RASGEF1B: variants seen among roughly 807,000 people sequenced by gnomAD.
RASGEF1B encodes ras-GEF domain-containing family member 1B.
RASGEF1B carries 30 observed loss-of-function variants against 65.7 expected under a neutral mutation model. The ratio of observed to expected loss-of-function variants is 0.46; its 90% CI spans 0.34 to 0.62. The LOEUF (loss-of-function observed/expected upper bound fraction) is 0.62. Among genes scored for constraint, RASGEF1B ranks in the 20% least tolerant of loss-of-function variants. The pLI is 0.01. For missense variants in RASGEF1B, 495 were observed against 580.1 expected (o/e 0.85, Z 1.51); for synonymous variants, 175 against 194.8 (o/e 0.90, Z 0.85).
chr4:81,463,297 A>C (rs770430303), intron 1 of RASGEF1B, among the ~76,000 whole-genome samples: 2 of 152,236 alleles, frequency 1.3e-5, no homozygotes, highest in Non-Finnish European at 2.9e-5. Context: ...TAGAGATTCC[A>C]GAGATTCCAA....
chr4:81,466,695 G>C (rs1400118744), intron 1 of RASGEF1B, among the ~76,000 whole-genome samples: 1 of 149,202 alleles, frequency 6.7e-6, no homozygotes, highest in African/African-American at 2.5e-5. Context: ...GAAGACAGAG[G>C]TTGCAGTGAG....
rs1276909205 is a variant in RASGEF1B, at chr4:81,448,189, G to C, written c.534C>G (p.Ser178Arg). ...SQYEEVLAKISSTSTDRLTVL... is the reference protein window; with the variant it reads ...SQYEEVLAKIRSTSTDRLTVL... ...CTGTGAGCCGATCTGTGGATGTGGA[G>C]CTGATTTTTGCCAGGACTTCTTCGT... The change falls in exon 5 of 14, where the codon AGC (serine) becomes AGG (arginine). Residue 178 changes from serine (S) to arginine (R), a missense_variant. Coordinates refer to ENST00000264400, the MANE Select transcript of RASGEF1B (RefSeq NM_152545.3). The C allele has an allele frequency of 2.5e-6, 4 of 1,614,098 alleles. No homozygotes were observed. Among genetic ancestry groups the C allele is most frequent in the South Asian group, 2.2e-5 (2 of 91,072 alleles).
intron 10 of RASGEF1B, among the ~76,000 whole-genome samples, chr4:81,437,640 A>C (rs939344828): frequency 7.2e-5 from 11 of 152,186 alleles, no homozygotes; most frequent in African/African-American, 2.7e-4. Context: ...GGCAGAGGCT[A>C]TTACCTTACA....
chr4:81,435,681 T>C (rs998730248), intron 10 of RASGEF1B, among the ~76,000 whole-genome samples: 10 of 149,850 alleles, frequency 6.7e-5, no homozygotes, highest in African/African-American at 9.8e-5. Flanking sequence ...TTCACCGTGT[T>C]AGCCAGGATG....
intron 2 of RASGEF1B, among the ~76,000 whole-genome samples, chr4:81,458,658 A>T (rs1478037313): frequency 6.6e-6 from 1 of 152,202 alleles, no homozygotes; most frequent in Admixed American, 6.5e-5. Flanking sequence ...GGAAGGGGGA[A>T]AAAGTCACTT....
At chr4:81,469,822 T>A (rs1031923629) in intron 1 of RASGEF1B, among the ~76,000 whole-genome samples, 2 of 152,182 alleles carry the variant, frequency 1.3e-5, no homozygotes, top group East Asian at 1.9e-4. Flanking sequence ...GTGGAGCACA[T>A]AAAATGAAGC....
intron 10 of RASGEF1B, among the ~76,000 whole-genome samples, chr4:81,436,749 TCACA>T (rs936240510): frequency 6.6e-6 from 1 of 152,212 alleles, no homozygotes; most frequent in Non-Finnish European, 1.5e-5. Flanking sequence ...ACTTTTGGGC[TCACA>T]CACAAAAATA....
chr4:81,456,610 C>T (rs1248460743), intron 4 of RASGEF1B, 41 bp downstream of exon 4: 2 of 1,611,120 alleles, frequency 1.2e-6, no homozygotes, highest in Admixed American at 3.3e-5. Flanking sequence ...CCAGGCTCTG[C>T]CTGGGAATTC....
intron 13 of RASGEF1B, among the ~76,000 whole-genome samples, chr4:81,430,608 T>C (rs769429199): frequency 3.3e-5 from 5 of 152,160 alleles, no homozygotes; most frequent in Non-Finnish European, 7.3e-5. Flanking sequence ...AGCAGGGCAC[T>C]GAAGAAGGGA....
chr4:81,440,814 A>G lies in RASGEF1B; in HGVS notation c.1104+20T>C, dbSNP rs753706184. 2.7e-6 allele frequency: 4 copies of G among 1,498,008 alleles called. No homozygotes were observed. In the East Asian group the frequency reaches 9.0e-5, roughly 34 times the overall value. 92.8% of individuals were successfully genotyped at this position (1,498,008 alleles called of 1,614,324 possible). ...ACACAGCAACTCTACCATAAGAAAG[A>G]TACTTCTTTAAGTGCATACCTTTTC... is the stretch of plus-strand genomic sequence containing the variant. On this transcript the variant is annotated intron_variant, in intron 10 of 13. Transcript: ENST00000264400.
chr4:81,462,919 T>C (rs1016210763), intron 1 of RASGEF1B, among the ~76,000 whole-genome samples: 30 of 152,282 alleles, frequency 2.0e-4, no homozygotes, highest in African/African-American at 7.0e-4. Flanking sequence ...TTTTTGACTA[T>C]ATAAGAAGCT....
intron 10 of RASGEF1B, among the ~76,000 whole-genome samples, chr4:81,437,541 C>T (rs934500587): frequency 6.6e-6 from 1 of 152,156 alleles, no homozygotes; most frequent in Non-Finnish European, 1.5e-5. Flanking sequence ...GAGATTCATG[C>T]AGTGCTGATC....
chr4:81,470,228 T>G lies in RASGEF1B; in HGVS notation c.-7+1542A>C, dbSNP rs1412509706. Among the ~76,000 whole-genome samples the G allele has an allele frequency of 2.6e-5, 4 of 152,222 alleles. 1 individual carries two copies. The South Asian group carries it at 6.2e-4, about 24-fold the overall frequency. On this transcript the variant is annotated intron_variant, in intron 1 of 13. Coordinates refer to ENST00000264400, the MANE Select transcript of RASGEF1B (RefSeq NM_152545.3). ...AACAGCAAATAATTTTTATTTCTTT[T>G]TATTAAAGAAAGCAACTCTATATTT...
chr4:81,459,027 A>T (rs997521446), intron 2 of RASGEF1B: 1 of 218,586 alleles, frequency 4.6e-6, no homozygotes, highest in South Asian at 1.7e-4. Flanking sequence ...GTTCTCTGAC[A>T]TTTCTATTTA....
intron 5 of RASGEF1B, 145 bp from the exon 6 acceptor site, chr4:81,447,723 C>A (rs1722083642): frequency 2.8e-6 from 2 of 705,436 alleles, no homozygotes; most frequent in Non-Finnish European, 4.8e-6. Context: ...ATTTCATCAT[C>A]TTCAAGGTCT....
At chr4:81,444,327 G>GTT (rs1323870445) in intron 8 of RASGEF1B, among the ~76,000 whole-genome samples, 1 of 152,116 alleles carries the variant, frequency 6.6e-6, no homozygotes, top group Non-Finnish European at 1.5e-5. Flanking sequence ...TAATCTTTCT[G>GTT]TTTGCTATTT....
intron 1 of RASGEF1B, chr4:81,471,094 C>T (rs1434483830): frequency 6.6e-6 from 1 of 152,234 alleles, no homozygotes; most frequent in Non-Finnish European, 1.5e-5. Context: ...AGCAAGGCGA[C>T]TCAGTGTCTC....
chr4:81,469,182 G>A (rs886304034), intron 1 of RASGEF1B, among the ~76,000 whole-genome samples: 8 of 152,100 alleles, frequency 5.3e-5, no homozygotes, highest in African/African-American at 1.4e-4. Context: ...AGTGCAATTG[G>A]CCTCTTTAAG....
chr4:81,459,865 G>A (rs949619953), intron 1 of RASGEF1B, among the ~76,000 whole-genome samples: 4 of 152,106 alleles, frequency 2.6e-5, no homozygotes, highest in Non-Finnish European at 2.9e-5. Flanking sequence ...TTGCTTTATC[G>A]CATGGAGTCA....
Sources: allele counts gnomAD v4.1 joint callset (sites outside exome capture counted in the v4.1 genomes callset), GRCh38; gene constraint gnomAD v4.1.1; transcripts MANE v1.5; gene names NCBI Gene and HGNC (gene_info 2026-07-23, HGNC 2026-07-21).